The following PADI4 variants were observed in gnomAD, a reference collection of about 807,000 sequenced individuals.
PADI4 encodes peptidyl arginine deiminase 4.
PADI4 carries 62 observed loss-of-function variants against 75.0 expected under a neutral mutation model. That is an observed-to-expected ratio of 0.83 (90% CI 0.67 to 1.02). PADI4 has a LOEUF of 1.02. PADI4 is among the 50% of genes least tolerant of loss of function. The probability of loss-of-function intolerance (pLI) is 0.00; values close to 1 mark genes in which losing one functional copy is unlikely to be tolerated. For missense variants in PADI4, 845 were observed against 850.5 expected (o/e 0.99, Z 0.08); for synonymous variants, 361 against 348.1 (o/e 1.04, Z -0.41).
intron 1 of PADI4, among the ~76,000 whole-genome samples, chr1:17,330,480 AT>A (rs1235513375): frequency 1.3e-5 from 2 of 152,198 alleles, no homozygotes; most frequent in East Asian, 3.9e-4. Context: ...CTCAGTCTGA[AT>A]TTGAAAGCCT....
At chr1:17,308,407 C>A in intron 1 of PADI4, 93 bp downstream of exon 1, 2 of 985,414 alleles carry the variant, frequency 2.0e-6, no homozygotes, top group Non-Finnish European at 3.1e-6. Context: ...TTGGCCCAGG[C>A]TCTAGGCTCC....
At chr1:17,338,693 C>A (rs2074361306) in intron 5 of PADI4, among the ~76,000 whole-genome samples, 1 of 152,142 alleles carries the variant, frequency 6.6e-6, no homozygotes, top group African/African-American at 2.4e-5. Flanking sequence ...CGTCCCAACA[C>A]CGGAGCAGGT....
At position 17,317,097 on chromosome 1, in the gene PADI4, G is replaced by T. The variant is rs541982235; in HGVS notation, c.92+8783G>T. On this transcript the variant is annotated intron_variant, in intron 1 of 15. Coordinates refer to ENST00000375448, the MANE Select transcript of PADI4 (RefSeq NM_012387.3). ...AGTACGTATGTCGCAGAGTTGTCAT[G>T]GAGATGCCTGTAGAGATGGGGTTTA... Among the ~76,000 whole-genome samples the T allele has an allele frequency of 3.3e-5, 5 of 152,158 alleles. No individual in the cohort carries two copies. The South Asian group carries it at 1.0e-3, about 32-fold the overall frequency.
chr1:17,321,804 G>C (rs1428844917), intron 1 of PADI4, among the ~76,000 whole-genome samples: 2 of 152,198 alleles, frequency 1.3e-5, no homozygotes, highest in African/African-American at 4.8e-5. Context: ...CAAAGTTAAG[G>C]ACCCGTGTCT....
chr1:17,330,198 A>T (rs111299818), intron 1 of PADI4, among the ~76,000 whole-genome samples: 2,293 of 152,302 alleles, frequency 0.015, 33 homozygotes, highest in Non-Finnish European at 0.024. Flanking sequence ...GTTCAAATGC[A>T]AACCCTTCAG....
Position 17,347,950 on chromosome 1 carries a change from GA to G in PADI4, c.1058del (p.Glu353GlyfsTer24), listed in dbSNP as rs753638883. 2.0e-5 allele frequency: 32 copies of G among 1,578,748 alleles called. No individual in the cohort carries two copies. Among genetic ancestry groups the G allele is most frequent in the African/African-American group, 2.7e-5 (2 of 74,168 alleles). ...MDDQWMQDEMEIGYIQAPHKT... is the reference protein window; with the variant it reads ...MDDQWMQDEMXIGYIQAPHKT... ...CCACTCACTCCCACAGGATGAAATG[GA>G]GATCGGCTACATCCAAGCCCCACAC... On this transcript the variant is annotated frameshift_variant, in exon 10 of 16. Transcript: ENST00000375448. LOFTEE classifies it high-confidence loss of function.
At position 17,358,838 on chromosome 1, in the gene PADI4, A is replaced by G. The variant is rs1455844938; in HGVS notation, c.1559A>G (p.Lys520Arg). ...TTTTTTTTCTTTTTCTCCATGACAG[A>G]AAAAAAACAGCAGAAAATAAAGAAC... ...GEALLFEGIKKKKQQKIKNIL... is the reference protein window; with the variant it reads ...GEALLFEGIKRKKQQKIKNIL... The change falls in exon 14 of 16, where the codon AAA becomes AGA. Residue 520 changes from lysine to arginine, a missense_variant and splice_region_variant. Lys to Arg is a conservative substitution (Grantham distance 26). Transcript: ENST00000375448. 5 of 1,592,526 alleles carry G rather than the reference A, an allele frequency of 3.1e-6. No homozygotes were observed. In the African/African-American group the frequency reaches 5.4e-5, roughly 17 times the overall value.
chr1:17,338,987 C>A (rs573671171), intron 5 of PADI4, among the ~76,000 whole-genome samples: 181 of 152,276 alleles, frequency 1.2e-3, no homozygotes, highest in Non-Finnish European at 1.8e-3. Flanking sequence ...TTTGTGGGCA[C>A]TCCCGGGGTG....
At chr1:17,325,853 C>T (rs551737446) in intron 1 of PADI4, among the ~76,000 whole-genome samples, 30 of 152,152 alleles carry the variant, frequency 2.0e-4, no homozygotes, top group African/African-American at 5.1e-4. Context: ...AGATTACAGA[C>T]GTGCACTACC....
chr1:17,330,367 G>C (rs182979937), intron 1 of PADI4, among the ~76,000 whole-genome samples: 3 of 152,056 alleles, frequency 2.0e-5, no homozygotes, highest in Admixed American at 2.0e-4. Flanking sequence ...GAATAATAGG[G>C]TGTGTGTGTG....
rs2301886 is a variant in PADI4, at chr1:17,363,599, G to A, written c.1836G>A (p.Leu612=). The A allele has an allele frequency of 1.0e-4, 168 of 1,614,196 alleles. No homozygotes were observed. The East Asian group carries it at 3.7e-3, about 36-fold the overall frequency. ...FGPVINGRCC[L]EEKVCSLLEP... ...CCGTCATCAACGGCCGCTGCTGCCT[G>A]GAGGAGAAGGTGTGTTCCCTGCTGG... The change falls in exon 16 of 16, where the codon CTG becomes CTA. Residue 612 remains leucine (L), a synonymous_variant. Coordinates refer to ENST00000375448, the MANE Select transcript of PADI4 (RefSeq NM_012387.3).
At chr1:17,316,400 A>G (rs2073934073) in intron 1 of PADI4, among the ~76,000 whole-genome samples, 1 of 150,506 alleles carries the variant, frequency 6.6e-6, no homozygotes, top group East Asian at 2.0e-4. Flanking sequence ...TCTCAAAAAT[A>G]AATAAATAGC....
intron 1 of PADI4, among the ~76,000 whole-genome samples, chr1:17,314,952 C>T (rs2073906679): frequency 6.6e-6 from 1 of 152,172 alleles, no homozygotes; most frequent in Non-Finnish European, 1.5e-5. Flanking sequence ...TTCACACTGA[C>T]CCTGGCAATC....
At chr1:17,328,483 A>G (rs2074151366) in intron 1 of PADI4, among the ~76,000 whole-genome samples, 1 of 152,050 alleles carries the variant, frequency 6.6e-6, no homozygotes, top group Non-Finnish European at 1.5e-5. Flanking sequence ...CTGTCTCTAC[A>G]AAAAATTTTA....
chr1:17,351,045 T>C lies in PADI4; in HGVS notation c.1155+2997T>C, dbSNP rs1263659707. 1.6e-5 allele frequency among the ~76,000 whole-genome samples: 2 copies of C among 122,478 alleles called. 1 individual carries two copies. Among genetic ancestry groups the C allele is most frequent in the African/African-American group, 5.2e-5 (2 of 38,428 alleles). 80.4% of individuals were successfully genotyped at this position (122,478 alleles called of 152,430 possible). A position where few individuals can be genotyped will look rare whatever the true frequency, so the allele number is the denominator to read the frequency against. On this transcript the variant is annotated intron_variant, in intron 10 of 15. Transcript: ENST00000375448. ...CTACAAAAAAAAAAAAAAAATTGTT[T>C]CAATTAACTAGGCATGGTAACACAT...
At chr1:17,342,480 G>GC in intron 8 of PADI4, 78 bp downstream of exon 8, 1 of 856,592 alleles carries the variant, frequency 1.2e-6, no homozygotes, top group Non-Finnish European at 1.9e-6. Flanking sequence ...ACTGTGTGAT[G>GC]GGAAAAACAG....
intron 1 of PADI4, among the ~76,000 whole-genome samples, chr1:17,311,250 G>A (rs1466718222): frequency 6.6e-6 from 1 of 151,920 alleles, no homozygotes; most frequent in African/African-American, 2.4e-5. Flanking sequence ...GCAACAGAGT[G>A]AGACTCTGTC....
At position 17,342,135 on chromosome 1, in the gene PADI4, G is replaced by A; in HGVS notation, c.831+14G>A. 1 of 1,611,898 alleles carries A rather than the reference G, an allele frequency of 6.2e-7. No individual in the cohort carries two copies. The highest frequency in any genetic ancestry group is 8.5e-7 in the Non-Finnish European group (1 of 1,178,568). ...ACGTCCAACCTGGTAGGCCGAGAAG[G>A]CAGCCCTGCATCGGGGGCCTGGGCT... On this transcript the variant is annotated intron_variant, in intron 7 of 15. Coordinates refer to ENST00000375448, the MANE Select transcript of PADI4 (RefSeq NM_012387.3).
rs184226483 is a variant in PADI4 at position 17,316,427 on chromosome 1, C to G, written c.92+8113C>G. 4.6e-3 allele frequency among the ~76,000 whole-genome samples: 694 copies of G among 150,354 alleles called. 15 individuals carry two copies. The highest frequency in any genetic ancestry group is 0.016 in the African/African-American group (654 of 40,676). On this transcript the variant is annotated intron_variant, in intron 1 of 15. Transcript: ENST00000375448. ...ATAAATAGCCAGGCGCGGTGGCTCA[C>G]GCCTGTAATCCCAGCACTTTGGGAG...
Sources: allele counts gnomAD v4.1 joint callset (sites outside exome capture counted in the v4.1 genomes callset), GRCh38; gene constraint gnomAD v4.1.1; transcripts MANE v1.5; gene names NCBI Gene and HGNC (gene_info 2026-07-23, HGNC 2026-07-21).